Variants in PRKN observed in about 807,000 individuals in gnomAD.
PRKN encodes the protein E3 ubiquitin-protein ligase parkin.
PRKN carries 56 observed loss-of-function variants against 59.5 expected under a neutral mutation model. That is an observed-to-expected ratio of 0.94 (90% CI 0.76 to 1.18). The LOEUF (loss-of-function observed/expected upper bound fraction) is 1.18, where lower values mean the gene tolerates loss of function less well. PRKN is among the 50% of genes most tolerant of loss of function. The pLI is 0.00. For synonymous variants in PRKN, 250 were observed against 222.1 expected (o/e 1.13, Z -1.12); for missense variants, 657 against 596.4 (o/e 1.10, Z -1.06).
intron 1 of PRKN, among the ~76,000 whole-genome samples, chr6:162,507,202 C>G (rs1190636861): frequency 6.6e-6 from 1 of 152,168 alleles, no homozygotes; most frequent in Non-Finnish European, 1.5e-5. Context: ...CAGAACAAGA[C>G]AGTAGCAGTA....
chr6:161,570,124 TAAAAA>T (rs55699586), intron 7 of PRKN, among the ~76,000 whole-genome samples: 23 of 51,416 alleles, frequency 4.5e-4, no homozygotes, highest in African/African-American at 1.8e-3. Flanking sequence ...AGTAAATAGG[TAAAAA>T]AAAAAAAAAA....
At chr6:161,607,337 C>G (rs1220537780) in intron 7 of PRKN, among the ~76,000 whole-genome samples, 5 of 152,054 alleles carry the variant, frequency 3.3e-5, no homozygotes, top group African/African-American at 1.2e-4. Flanking sequence ...GACAAGACAT[C>G]TGGAGAAAGT....
At chr6:162,341,517 T>C (rs1474294255) in intron 2 of PRKN, among the ~76,000 whole-genome samples, 1 of 152,128 alleles carries the variant, frequency 6.6e-6, no homozygotes, top group Non-Finnish European at 1.5e-5. Flanking sequence ...CAAATGGCCA[T>C]CAATGATAGA....
chr6:162,255,282 A>G (rs1779597501), intron 3 of PRKN, among the ~76,000 whole-genome samples: 1 of 152,124 alleles, frequency 6.6e-6, no homozygotes, highest in South Asian at 2.1e-4. Flanking sequence ...GCCTTTGTAC[A>G]TGTGAACTAG....
chr6:162,291,395 G>T (rs537834744), intron 2 of PRKN, among the ~76,000 whole-genome samples: 3 of 150,794 alleles, frequency 2.0e-5, no homozygotes, highest in African/African-American at 7.3e-5. Context: ...CATGTCACAA[G>T]AGGGATGGGT....
intron 6 of PRKN, among the ~76,000 whole-genome samples, chr6:161,924,571 C>T (rs543245003): frequency 2.0e-5 from 3 of 152,120 alleles, no homozygotes; most frequent in Admixed American, 6.5e-5. Flanking sequence ...GTCTAATGGC[C>T]GAAATAATTT....
At chr6:162,713,108 A>T (rs1337493414) in intron 1 of PRKN, among the ~76,000 whole-genome samples, 2 of 152,234 alleles carry the variant, frequency 1.3e-5, no homozygotes, top group Non-Finnish European at 2.9e-5. Context: ...TACTTTTTAA[A>T]TTCCAAACTT....
intron 6 of PRKN, among the ~76,000 whole-genome samples, chr6:161,877,375 T>G (rs2128228645): frequency 6.6e-6 from 1 of 152,172 alleles, no homozygotes; most frequent in South Asian, 2.1e-4. Context: ...GAAACACCTC[T>G]CCAAATTTTG....
rs1461623310 is a variant in PRKN, at chr6:161,458,520, C to T, written c.1084-71643G>A. On this transcript the variant is annotated intron_variant, in intron 9 of 11. Transcript: ENST00000366898. The surrounding 1 kb of genome is among the most constrained non-coding windows in gnomAD (Gnocchi z 6.1). The stretch of plus-strand genomic sequence containing the variant: ...TTTACTGCAGAGCCAGTGTTTGAAC[C>T]AAATGCTCAGTAATGTGAAAACATC... 6.6e-6 allele frequency among the ~76,000 whole-genome samples: 1 copy of T among 152,162 alleles called. No homozygotes were observed. The highest frequency in any genetic ancestry group is 2.4e-5 in the African/African-American group (1 of 41,436).
In PRKN at chr6:161,484,351, C is replaced by T. The variant is rs911381403; in HGVS notation, c.1083+64503G>A. Among the ~76,000 whole-genome samples, 5 of 152,062 alleles carry T rather than the reference C, an allele frequency of 3.3e-5. No homozygotes were observed. The highest frequency in any genetic ancestry group is 1.2e-4 in the African/African-American group (5 of 41,406). ...GGAAACCTCTAGATGGGCCATCCAG[C>T]CTGAAGAAAGCCTTTCTTGTTGCTG... On this transcript the variant is annotated intron_variant, in intron 9 of 11. Coordinates refer to ENST00000366898, the MANE Select transcript of PRKN (RefSeq NM_004562.3). The surrounding 1 kb of genome is among the most constrained non-coding windows in gnomAD (Gnocchi z 4.9).
intron 4 of PRKN, among the ~76,000 whole-genome samples, chr6:162,101,731 T>A (rs747222270): frequency 2.0e-5 from 3 of 152,110 alleles, no homozygotes; most frequent in Non-Finnish European, 4.4e-5. Context: ...CTAGAGATAC[T>A]ATAACTCTCT....
intron 4 of PRKN, among the ~76,000 whole-genome samples, chr6:162,092,571 T>C (rs1450147913): frequency 1.3e-5 from 2 of 152,178 alleles, no homozygotes; most frequent in Admixed American, 6.5e-5. Flanking sequence ...TAAATAAATA[T>C]ACATATGTGG....
At chr6:161,809,083 C>T (rs911669637) in intron 6 of PRKN, among the ~76,000 whole-genome samples, 4 of 152,124 alleles carry the variant, frequency 2.6e-5, no homozygotes, top group South Asian at 2.1e-4. Flanking sequence ...TCAGGCAGTC[C>T]GCCCACCTCA....
intron 4 of PRKN, among the ~76,000 whole-genome samples, chr6:162,102,188 C>T (rs1481005030): frequency 6.6e-6 from 1 of 152,092 alleles, no homozygotes; most frequent in African/African-American, 2.4e-5. Context: ...CTCTCCGTCC[C>T]CCCACCCATC....
rs116676028 is a variant in PRKN at position 162,099,031 on chromosome 6, T to C, written c.535-44857A>G. 5.5e-3 allele frequency among the ~76,000 whole-genome samples: 840 copies of C among 152,306 alleles called. 8 individuals carry two copies. Among genetic ancestry groups the C allele is most frequent in the African/African-American group, 0.019 (792 of 41,576 alleles). On this transcript the variant is annotated intron_variant, in intron 4 of 11. Transcript: ENST00000366898. The stretch of plus-strand genomic sequence containing the variant: ...TACTATAGCTTTTAATAAAAGCTCT[T>C]TGTGCTTTGAAGAGGGTGTTGGATA...
At chr6:162,009,927 C>T (rs900056035) in intron 5 of PRKN, among the ~76,000 whole-genome samples, 3 of 151,324 alleles carry the variant, frequency 2.0e-5, no homozygotes, top group African/African-American at 7.3e-5. Flanking sequence ...CAGAGCAAGA[C>T]TCTGCGTCAA....
At chr6:162,663,089 T>C (rs1046548193) in intron 1 of PRKN, among the ~76,000 whole-genome samples, 4 of 152,168 alleles carry the variant, frequency 2.6e-5, no homozygotes, top group Non-Finnish European at 4.4e-5. Flanking sequence ...CTACAAAACA[T>C]CAACCCATTG....
At chr6:162,066,678 G>A (rs1778352807) in intron 4 of PRKN, among the ~76,000 whole-genome samples, 1 of 152,196 alleles carries the variant, frequency 6.6e-6, no homozygotes, top group Non-Finnish European at 1.5e-5. Flanking sequence ...AAAGAGACCA[G>A]GCCTTGACCT....
chr6:162,205,137 A>T (rs1312520994), intron 3 of PRKN, among the ~76,000 whole-genome samples: 1 of 151,980 alleles, frequency 6.6e-6, no homozygotes, highest in Non-Finnish European at 1.5e-5. Context: ...CTGGGATTAC[A>T]TGCATGAGCC....
Sources: gnomAD v4.1 joint callset for allele counts (sites outside exome capture counted in the v4.1 genomes callset) on GRCh38, gnomAD v4.1.1 for gene constraint, Gnocchi (gnomAD v3.1) non-coding constraint, MANE v1.5 for transcripts, NCBI Gene and HGNC (gene_info 2026-07-23, HGNC 2026-07-21) for gene names.